TNS1: variants seen among roughly 807,000 people sequenced by gnomAD.
The protein encoded by TNS1 is tensin 1, also known as tensin-1.
In TNS1, 62 loss-of-function variants were observed where a neutral mutation model predicts 168.6. The observed-to-expected ratio is 0.37, with a 90% CI of 0.30 to 0.45. The LOEUF is 0.45. TNS1 is among the 20% of genes least tolerant of loss of function. The pLI, the probability that TNS1 is intolerant of heterozygous loss-of-function variation, is 1.00. For synonymous variants in TNS1, 934 were observed against 933.2 expected (o/e 1.00, Z -0.02); for missense variants, 2,240 against 2,339.4 (o/e 0.96, Z 0.88).
chr2:217,805,888 AC>A (rs1355731029), intron 32 of TNS1, among the ~76,000 whole-genome samples: 5 of 148,526 alleles, frequency 3.4e-5, no homozygotes, highest in African/African-American at 1.3e-4. Context: ...CACACACCAC[AC>A]ACACACACAC....
At position 217,848,677 on chromosome 2, in the gene TNS1, C is replaced by T; in HGVS notation, c.1840G>A (p.Gly614Ser). ...TCCCGCTCAGATGCTAACGCCCCAC[C>T]ATTGACATGAACCTGGGCTGGGACA... ...HVVPAQVHVN[G>S]GALASERETD... Residue 614 changes from glycine (G) to serine (S), a missense_variant, in exon 19 of 33, where the codon GGT (glycine) becomes AGT (serine). Coordinates refer to ENST00000682258, the MANE Select transcript of TNS1 (RefSeq NM_001387777.1). 1 of 1,614,236 alleles carries T rather than the reference C, an allele frequency of 6.2e-7. No individual in the cohort carries two copies. Among genetic ancestry groups the T allele is most frequent in the Admixed American group, 1.7e-5 (1 of 60,034 alleles).
intron 1 of TNS1, among the ~76,000 whole-genome samples, chr2:217,996,269 A>G (rs967462770): frequency 2.0e-5 from 3 of 152,190 alleles, no homozygotes; most frequent in Admixed American, 2.0e-4. Context: ...CTCCACACAC[A>G]GGCCTAGGAC....
At position 217,847,923 on chromosome 2, in the gene TNS1, C is replaced by T; in HGVS notation, c.2594G>A (p.Gly865Glu). 6.6e-7 allele frequency: 1 copy of T among 1,522,274 alleles called. No homozygotes were observed. Among genetic ancestry groups the T allele is most frequent in the Non-Finnish European group, 8.8e-7 (1 of 1,130,638 alleles). 94.3% of individuals were successfully genotyped at this position (1,522,274 alleles called of 1,614,324 possible). A position where few individuals can be genotyped will look rare whatever the true frequency, so the allele number is the denominator to read the frequency against. Residue 865 changes from glycine (G) to glutamate (E), a missense_variant, in exon 19 of 33, where the codon GGG becomes GAG. Gly to Glu is a moderately conservative substitution (Grantham distance 98). Coordinates refer to ENST00000682258, the MANE Select transcript of TNS1 (RefSeq NM_001387777.1). ...GGGCTGGGAGGAGAGTGGAGAAGCC[C>T]CTGGCCAGGCCCCGGGGACACTCTG... Reference protein sequence around the residue: ...KSQSVPGAWPGASPLSSQPLS... With the variant: ...KSQSVPGAWPEASPLSSQPLS...
At chr2:217,968,272 T>C (rs1429422645) in intron 3 of TNS1, among the ~76,000 whole-genome samples, 1 of 152,160 alleles carries the variant, frequency 6.6e-6, no homozygotes, top group Admixed American at 6.5e-5. Context: ...TCTAGTAACA[T>C]TGTATTGAAG....
At position 217,927,081 on chromosome 2, in the gene TNS1, C is replaced by T. The variant is rs754053347; in HGVS notation, c.187-6845G>A. 7.2e-5 allele frequency among the ~76,000 whole-genome samples: 11 copies of T among 152,220 alleles called. No individual in the cohort carries two copies. In the East Asian group the frequency reaches 1.3e-3, roughly 19 times the overall value. ...TCTCACCCACTACCCCTGAAAGCCC[C>T]GAGAGCAGGCAGCACATGGGCCATT... On this transcript the variant is annotated intron_variant, in intron 3 of 32. Transcript: ENST00000682258.
rs184220485 is a variant in TNS1 at position 217,999,968 on chromosome 2, C to A, written c.33+2872G>T. ...CCCTGCCTGGTGGCTCTTTCAGCCT[C>A]ACCCTGAGCCCCTTCCCAGTTCCTG... On this transcript the variant is annotated intron_variant, in intron 1 of 32. Coordinates refer to ENST00000682258, the MANE Select transcript of TNS1 (RefSeq NM_001387777.1). Among the ~76,000 whole-genome samples the A allele has an allele frequency of 1.8e-3, 271 of 152,348 alleles. 5 individuals are homozygous for A. In the South Asian group the frequency reaches 0.048, roughly 27 times the overall value.
At chr2:217,926,077 G>A (rs1039743549) in intron 3 of TNS1, among the ~76,000 whole-genome samples, 1 of 152,152 alleles carries the variant, frequency 6.6e-6, no homozygotes, top group Non-Finnish European at 1.5e-5. Flanking sequence ...CTTGTAAGTA[G>A]AGGAAACGAG....
intron 19 of TNS1, among the ~76,000 whole-genome samples, chr2:217,837,784 G>T (rs962181668): frequency 6.6e-6 from 1 of 152,218 alleles, no homozygotes; most frequent in African/African-American, 2.4e-5. Flanking sequence ...CTTATTCGCA[G>T]AACAGAAAAA....
intron 3 of TNS1, among the ~76,000 whole-genome samples, chr2:217,937,958 A>G (rs149098289): frequency 0.011 from 1,610 of 152,186 alleles, 29 homozygotes; most frequent in African/African-American, 0.036. Flanking sequence ...CTGCTCCCAT[A>G]CAGGGTGGCT....
At chr2:217,938,943 A>G (rs1484878876) in intron 3 of TNS1, among the ~76,000 whole-genome samples, 2 of 152,042 alleles carry the variant, frequency 1.3e-5, no homozygotes, top group Non-Finnish European at 2.9e-5. Context: ...CTTAAGGGAA[A>G]ATGACACCAG....
In TNS1 at chr2:217,966,318, C is replaced by CGT. The variant is rs1266414645; in HGVS notation, c.186+12446_186+12447insAC. 3.6e-3 allele frequency among the ~76,000 whole-genome samples: 536 copies of CGT among 150,422 alleles called. 7 individuals carry two copies. The highest frequency in any genetic ancestry group is 0.013 in the African/African-American group (517 of 40,810). On this transcript the variant is annotated intron_variant, in intron 3 of 32. Coordinates refer to ENST00000682258, the MANE Select transcript of TNS1 (RefSeq NM_001387777.1). ...GTGTGTGTGTGTGTGTGCGCGCGCG[C>CGT]GCGTGTGTAAGGAGACAGCAAGAGA...
chr2:217,825,793 C>G (rs1193009375), intron 22 of TNS1, among the ~76,000 whole-genome samples: 2 of 152,176 alleles, frequency 1.3e-5, no homozygotes, highest in Non-Finnish European at 2.9e-5. Context: ...GCCCATGGGA[C>G]AGTGTATTAG....
At chr2:217,875,999 G>A (rs13402287) in intron 18 of TNS1, among the ~76,000 whole-genome samples, 5,611 of 152,232 alleles carry the variant, frequency 0.037, 344 homozygotes, top group African/African-American at 0.13. Context: ...TCATTCCCCT[G>A]AGTCACCCTG....
intron 24 of TNS1, 125 bp from the exon 25 acceptor site, chr2:217,815,123 T>A: frequency 1.4e-6 from 1 of 727,812 alleles, no homozygotes; most frequent in Non-Finnish European, 2.4e-6. Flanking sequence ...TTTGCAGATG[T>A]AGACAAATTA....
chr2:217,933,206 C>G (rs550675606), intron 3 of TNS1, among the ~76,000 whole-genome samples: 1 of 152,302 alleles, frequency 6.6e-6, no homozygotes, highest in East Asian at 1.9e-4. Context: ...CTCAGAGATG[C>G]ACGTATCTGA....
intron 6 of TNS1, chr2:217,901,755 AACCT>A (rs1953011615): frequency 6.6e-6 from 1 of 152,210 alleles, no homozygotes; most frequent in Admixed American, 6.5e-5. Flanking sequence ...TTCACACTCC[AACCT>A]GGGGCTTGAC....
At chr2:217,821,580 C>T (rs995623494) in intron 23 of TNS1, among the ~76,000 whole-genome samples, 160 bp downstream of exon 23, 1 of 152,142 alleles carries the variant, frequency 6.6e-6, no homozygotes, top group African/African-American at 2.4e-5. Flanking sequence ...GGACATGTGC[C>T]CTCAATGCAC....
intron 19 of TNS1, among the ~76,000 whole-genome samples, chr2:217,847,192 G>T (rs943771474): frequency 1.3e-5 from 2 of 152,204 alleles, no homozygotes; most frequent in Non-Finnish European, 2.9e-5. Flanking sequence ...CAGGCTCTGG[G>T]ATCTTGGTCC....
intron 28 of TNS1, among the ~76,000 whole-genome samples, chr2:217,812,165 T>G (rs562245746): frequency 2.6e-5 from 4 of 152,368 alleles, no homozygotes; most frequent in Non-Finnish European, 5.9e-5. Context: ...CATTTATGTA[T>G]GCTCCTGGAG....
Sources: allele counts gnomAD v4.1 joint callset (sites outside exome capture counted in the v4.1 genomes callset), GRCh38; gene constraint gnomAD v4.1.1; transcripts MANE v1.5; gene names NCBI Gene and HGNC (gene_info 2026-07-23, HGNC 2026-07-21).